ADCY6: variants seen among roughly 807,000 people sequenced by gnomAD.
ADCY6 encodes adenylate cyclase type 6.
ADCY6 carries 59 observed loss-of-function variants against 111.6 expected under a neutral mutation model. The observed-to-expected ratio is 0.53, with a 90% CI of 0.43 to 0.66. The LOEUF (loss-of-function observed/expected upper bound fraction) is 0.66. Among genes scored for constraint, ADCY6 ranks in the 30% least tolerant of loss-of-function variants. The pLI, the probability that ADCY6 is intolerant of heterozygous loss-of-function variation, is 0.00. For synonymous variants in ADCY6, 576 were observed against 642.9 expected (o/e 0.90, Z 1.57); for missense variants, 1,242 against 1,595.6 (o/e 0.78, Z 3.78).
At position 48,774,772 on chromosome 12, in the gene ADCY6, G is replaced by A; in HGVS notation, c.2085C>T (p.Thr695=). 1 of 1,614,012 alleles carries A rather than the reference G, an allele frequency of 6.2e-7. No homozygotes were observed. Among genetic ancestry groups the A allele is most frequent in the Non-Finnish European group, 8.5e-7 (1 of 1,179,970 alleles). ...TGCTGGCATAGATCCCAAGCATCAG[G>A]GTGGAGCTGGGGCAGAACAGGGCCA... ...FIQLLIFPHS[T]LMLGIYASIF... Residue 695 remains threonine (T), a synonymous_variant, in exon 13 of 22, where the codon ACC becomes ACT. Coordinates refer to ENST00000357869, the MANE Select transcript of ADCY6 (RefSeq NM_015270.5).
At position 48,776,539 on chromosome 12, in the gene ADCY6, A is replaced by G; in HGVS notation, c.1424T>C (p.Ile475Thr). 1 of 1,613,590 alleles carries G rather than the reference A, an allele frequency of 6.2e-7. No individual in the cohort carries two copies. Among genetic ancestry groups the G allele is most frequent in the Non-Finnish European group, 8.5e-7 (1 of 1,180,006 alleles). The change falls in exon 7 of 22, where the codon ATC (isoleucine) becomes ACC (threonine). Residue 475 changes from isoleucine to threonine, a missense_variant. Ile to Thr is a moderately conservative substitution (Grantham distance 89). Around this residue, in one of 4 missense-constraint regions of ADCY6, gnomAD observed 260 missense variants for 414.6 expected, o/e 0.63. Coordinates refer to ENST00000357869, the MANE Select transcript of ADCY6 (RefSeq NM_015270.5). This position sits in a 1 kb window ranked among gnomAD's most constrained non-coding sequence, Gnocchi z 6.1. Reference sequence around the variant, plus strand: ...GCCGCAGTGCACGCGCCCGCTGTGGATGCCCACGCGCATGTTCACATTCAC... The same window carrying G: ...GCCGCAGTGCACGCGCCCGCTGTGGGTGCCCACGCGCATGTTCACATTCAC... ...TGVNVNMRVG[I>T]HSGRVHCGVL...
Position 48,766,736 on chromosome 12 carries a change from C to T in ADCY6, c.*1855G>A, listed in dbSNP as rs893150967. Reference sequence around the variant, plus strand: ...GAAGGGGCATGAGGAGGGGCAAGTGCACTGCCTGCCCCTTCCACTCCCAAA... The same window carrying T: ...GAAGGGGCATGAGGAGGGGCAAGTGTACTGCCTGCCCCTTCCACTCCCAAA... On this transcript the variant is annotated 3_prime_UTR_variant, in exon 22 of 22. Coordinates refer to ENST00000357869, the MANE Select transcript of ADCY6 (RefSeq NM_015270.5). 3 of 152,618 alleles carry T rather than the reference C, an allele frequency of 2.0e-5. No homozygotes were observed. Among genetic ancestry groups the T allele is most frequent in the South Asian group, 2.1e-4 (1 of 4,830 alleles). 9.5% of individuals were successfully genotyped at this position (152,618 alleles called of 1,614,324 possible).
At chr12:48,788,503 G>A (rs900572982) in intron 1 of ADCY6, among the ~76,000 whole-genome samples, 3 of 151,870 alleles carry the variant, frequency 2.0e-5, no homozygotes, top group Non-Finnish European at 2.9e-5. Context: ...GCAGACAGAG[G>A]GCATCCCTCC....
At position 48,767,900 on chromosome 12, in the gene ADCY6, G is replaced by A. The variant is rs577124342; in HGVS notation, c.*691C>T. 24 of 153,636 alleles carry A rather than the reference G, an allele frequency of 1.6e-4. No homozygotes were observed. The highest frequency in any genetic ancestry group is 5.8e-4 in the African/African-American group (24 of 41,584). The allele number at this position is 153,636 out of a possible 1,614,324, so 9.5% of individuals were successfully genotyped here. A position where few individuals can be genotyped will look rare whatever the true frequency, so the allele number is the denominator to read the frequency against. ...GAGGCCAGACACCCCGTTCCCTGGA[G>A]CGTGCAGGAACTGGGGCTAAATCTA... On this transcript the variant is annotated 3_prime_UTR_variant, in exon 22 of 22. Transcript: ENST00000357869.
At position 48,770,877 on chromosome 12, in the gene ADCY6, C is replaced by T. The variant is rs774796494; in HGVS notation, c.3145G>A (p.Asp1049Asn). 5 of 1,614,230 alleles carry T rather than the reference C, an allele frequency of 3.1e-6. No homozygotes were observed. Among genetic ancestry groups the T allele is most frequent in the South Asian group, 1.1e-5 (1 of 91,080 alleles). The change falls in exon 20 of 22, where the codon GAT becomes AAT. Residue 1049 changes from aspartate to asparagine, a missense_variant. Physicochemically the swap from Asp to Asn is conservative, Grantham distance 23. Coordinates refer to ENST00000357869, the MANE Select transcript of ADCY6 (RefSeq NM_015270.5). Reference sequence around the variant, plus strand: ...GTGATGTGGGAGCGGCCCACCTGATCGTAGGTGCTGGCGTTCAGCCCTGAG... The same window carrying T: ...GTGATGTGGGAGCGGCCCACCTGATTGTAGGTGCTGGCGTTCAGCCCTGAG... ...AASGLNASTYDQVGRSHITAL... is the reference protein window; with the variant it reads ...AASGLNASTYNQVGRSHITAL...
At position 48,768,436 on chromosome 12, in the gene ADCY6, C is replaced by G; in HGVS notation, c.*155G>C. ...CCTTGTTTTCCAGCTTGAGGGCAGA[C>G]GAGCATGATCCAAGCACAGCCTGCT... On this transcript the variant is annotated 3_prime_UTR_variant, in exon 22 of 22. Coordinates refer to ENST00000357869, the MANE Select transcript of ADCY6 (RefSeq NM_015270.5). The G allele has an allele frequency of 9.2e-7, 1 of 1,090,078 alleles. No homozygotes were observed. The highest frequency in any genetic ancestry group is 1.3e-6 in the Non-Finnish European group (1 of 746,018). 67.5% of individuals were successfully genotyped at this position (1,090,078 alleles called of 1,614,324 possible).
chr12:48,783,212 C>T lies in ADCY6; in HGVS notation c.223G>A (p.Gly75Ser), dbSNP rs3730307. 111 of 1,607,346 alleles carry T rather than the reference C, an allele frequency of 6.9e-5. No homozygotes were observed. In the East Asian group the frequency reaches 1.2e-3, roughly 18 times the overall value. The change falls in exon 2 of 22, where the codon GGC becomes AGC. Residue 75 changes from glycine (G) to serine (S), a missense_variant. Gly to Ser is a moderately conservative substitution (Grantham distance 56). Coordinates refer to ENST00000357869, the MANE Select transcript of ADCY6 (RefSeq NM_015270.5). ...CCCAGCTCCTTGCCCTTGCCTGGGCCGCCCCTCCGGATGAAGGCGTCATCC... is the reference window on the plus strand; with the variant it reads ...CCCAGCTCCTTGCCCTTGCCTGGGCTGCCCCTCCGGATGAAGGCGTCATCC... ...WQDDAFIRRG[G>S]PGKGKELGLR...
rs891744628 is a variant in ADCY6 at position 48,777,987 on chromosome 12, C to T, written c.1014+121G>A. On this transcript the variant is annotated intron_variant, in intron 3 of 21. Coordinates refer to ENST00000357869, the MANE Select transcript of ADCY6 (RefSeq NM_015270.5). This position sits in a 1 kb window ranked among gnomAD's most constrained non-coding sequence, Gnocchi z 4.9. ...CCCCAGTATCACAGGGCCTCTGTGA[C>T]GCACAACCCAGGGGAACCATCACAC... 2.5e-5 allele frequency: 35 copies of T among 1,399,738 alleles called. 1 individual carries two copies. Among genetic ancestry groups the T allele is most frequent in the African/African-American group, 2.1e-4 (15 of 69,878 alleles). 86.7% of individuals were successfully genotyped at this position (1,399,738 alleles called of 1,614,324 possible). A position where few individuals can be genotyped will look rare whatever the true frequency, so the allele number is the denominator to read the frequency against.
At chr12:48,786,529 A>C (rs757762646) in intron 1 of ADCY6, among the ~76,000 whole-genome samples, 1 of 152,080 alleles carries the variant, frequency 6.6e-6, no homozygotes, top group Non-Finnish European at 1.5e-5. Flanking sequence ...CACCCGGCTA[A>C]ATTTTGTATT....
intron 2 of ADCY6, among the ~76,000 whole-genome samples, chr12:48,780,304 T>G (rs993461652): frequency 2.0e-5 from 3 of 151,790 alleles, no homozygotes; most frequent in African/African-American, 7.3e-5. Flanking sequence ...AATGAGTGGG[T>G]CGGTAGGGGA....
intron 12 of ADCY6, 21 bp downstream of exon 12, chr12:48,774,936 G>A: frequency 1.3e-6 from 2 of 1,548,402 alleles, no homozygotes; most frequent in Non-Finnish European, 1.7e-6. Flanking sequence ...GAAGCTAAGA[G>A]AGGAAAGGCA....
chr12:48,784,665 GTTTTTTTTTTTT>G (rs766502422), intron 1 of ADCY6, among the ~76,000 whole-genome samples: 2 of 72,294 alleles, frequency 2.8e-5, no homozygotes, highest in African/African-American at 1.2e-4. Flanking sequence ...AAAATCTGGA[GTTTTTTTTTTTT>G]TTTTTTTTTT....
intron 18 of ADCY6, 141 bp from the exon 19 acceptor site, chr12:48,772,114 G>A (rs1941564833): frequency 1.4e-6 from 2 of 1,382,144 alleles, no homozygotes; most frequent in African/African-American, 2.9e-5. Flanking sequence ...ACAGGCAAAG[G>A]GGTAAAGGGG....
At chr12:48,775,652 C>T (rs1187177487) in intron 10 of ADCY6, 21 bp downstream of exon 10, 3 of 1,610,420 alleles carry the variant, frequency 1.9e-6, no homozygotes, top group Non-Finnish European at 2.5e-6. Flanking sequence ...TGCCTTCTCC[C>T]TCCTCAGTAA....
intron 15 of ADCY6, 52 bp from the exon 16 acceptor site, chr12:48,773,699 TTGG>T: frequency 6.2e-7 from 1 of 1,605,598 alleles, no homozygotes; most frequent in Non-Finnish European, 8.5e-7. Context: ...CACAGCACCC[TTGG>T]GCAGGGAGAG....
intron 20 of ADCY6, among the ~76,000 whole-genome samples, chr12:48,770,201 G>A (rs1325566792): frequency 6.6e-6 from 1 of 151,778 alleles, no homozygotes; most frequent in Non-Finnish European, 1.5e-5. Context: ...ACCGCGCCCG[G>A]CATGGCTTCA....
intron 1 of ADCY6, among the ~76,000 whole-genome samples, chr12:48,788,646 G>A (rs1229034748): frequency 6.6e-6 from 1 of 152,080 alleles, no homozygotes; most frequent in South Asian, 2.1e-4. Flanking sequence ...CTCCGGGCCA[G>A]CCTGGAACTC....
At position 48,782,725 on chromosome 12, in the gene ADCY6, G is replaced by A. The variant is rs148986045; in HGVS notation, c.710C>T (p.Ala237Val). Reference sequence around the variant, plus strand: ...AAAGAACACAGGGCACCAGAGGCCCGCAGAGGGGCTGCGCGGGTCTGCTGC... The same window carrying A: ...AAAGAACACAGGGCACCAGAGGCCCACAGAGGGGCTGCGCGGGTCTGCTGC... ...ALAADPRSPS[A>V]GLWCPVFFVY... The change falls in exon 2 of 22, where the codon GCG becomes GTG. Residue 237 changes from alanine (A) to valine (V), a missense_variant. Physicochemically the swap from Ala to Val is moderately conservative, Grantham distance 64. This residue lies in a region of ADCY6 where 362 missense variants were observed against 377.2 expected (regional missense o/e 0.96). Coordinates refer to ENST00000357869, the MANE Select transcript of ADCY6 (RefSeq NM_015270.5). This position sits in a 1 kb window ranked among gnomAD's most constrained non-coding sequence, Gnocchi z 4.3. The A allele has an allele frequency of 6.9e-6, 11 of 1,597,186 alleles. No homozygotes were observed. The highest frequency in any genetic ancestry group is 6.7e-5 in the African/African-American group (5 of 74,582).
At chr12:48,783,620 G>A in intron 1 of ADCY6, 182 bp from the exon 2 acceptor site, 2 of 1,395,920 alleles carry the variant, frequency 1.4e-6, no homozygotes, top group Non-Finnish European at 1.9e-6. Flanking sequence ...CAATCAACAG[G>A]TGAGAACCCA....
Sources: allele counts gnomAD v4.1 joint callset (sites outside exome capture counted in the v4.1 genomes callset), GRCh38; gene constraint gnomAD v4.1.1; regional missense constraint gnomAD v4.1.1; non-coding constraint Gnocchi (gnomAD v3.1); transcripts MANE v1.5; gene names NCBI Gene and HGNC (gene_info 2026-07-23, HGNC 2026-07-21).